The following ADAMTSL3 variants were observed in gnomAD, a reference collection of about 807,000 sequenced individuals.
ADAMTSL3 encodes the protein ADAMTS like 3.
In ADAMTSL3, 128 loss-of-function variants were observed where a neutral mutation model predicts 201.7. That is an observed-to-expected ratio of 0.63 (90% CI 0.55 to 0.73). ADAMTSL3 has a LOEUF of 0.73. Ranked by LOEUF, ADAMTSL3 falls within the 30% of genes least tolerant of loss-of-function variation. The pLI, the probability that ADAMTSL3 is intolerant of heterozygous loss-of-function variation, is 0.00. For missense variants in ADAMTSL3, 1,990 were observed against 2,119.6 expected (o/e 0.94, Z 1.20); for synonymous variants, 738 against 748.4 (o/e 0.99, Z 0.23).
chr15:84,033,689 A>G (rs371152301), intron 28 of ADAMTSL3, among the ~76,000 whole-genome samples: 1 of 151,950 alleles, frequency 6.6e-6, no homozygotes, highest in East Asian at 1.9e-4. Context: ...AAACAAAAAA[A>G]CGTGCTCAAG....
At chr15:83,809,823 C>T (rs2063663563) in intron 5 of ADAMTSL3, among the ~76,000 whole-genome samples, 2 of 152,120 alleles carry the variant, frequency 1.3e-5, no homozygotes, top group Non-Finnish European at 2.9e-5. Flanking sequence ...TTGGCTGTAA[C>T]TAATTTATTT....
intron 3 of ADAMTSL3, among the ~76,000 whole-genome samples, chr15:83,741,862 T>C (rs1244562326): frequency 2.0e-5 from 3 of 152,022 alleles, no homozygotes; most frequent in African/African-American, 7.2e-5. Context: ...GCTAGACTAC[T>C]TGGGAGGCTG....
At chr15:83,704,049 A>T (rs1254387801) in intron 2 of ADAMTSL3, among the ~76,000 whole-genome samples, 1 of 151,962 alleles carries the variant, frequency 6.6e-6, no homozygotes, top group African/African-American at 2.4e-5. Flanking sequence ...AAAATCCTAA[A>T]AACAATAGAT....
chr15:83,935,851 T>C (rs2066451221), intron 17 of ADAMTSL3, among the ~76,000 whole-genome samples: 1 of 152,098 alleles, frequency 6.6e-6, no homozygotes, highest in South Asian at 2.1e-4. Flanking sequence ...AGTAAGGTTA[T>C]ATGACAATTA....
chr15:83,667,947 A>T (rs1170458579), intron 2 of ADAMTSL3, among the ~76,000 whole-genome samples: 3 of 152,144 alleles, frequency 2.0e-5, no homozygotes, highest in Non-Finnish European at 1.5e-5. Flanking sequence ...GCTGAAAATG[A>T]AGAGAAGATA....
chr15:83,704,033 GA>G (rs2061813275), intron 2 of ADAMTSL3, among the ~76,000 whole-genome samples: 1 of 143,934 alleles, frequency 6.9e-6, no homozygotes, highest in Admixed American at 7.0e-5. Flanking sequence ...AAAGGAAGAA[GA>G]AAAGAAAATC....
At chr15:83,714,876 CCCTTCCTTCCTTCCTTCCTT>C (rs1191969866) in intron 3 of ADAMTSL3, among the ~76,000 whole-genome samples, 185 of 22,086 alleles carry the variant, frequency 8.4e-3, no homozygotes, top group African/African-American at 0.062. Context: ...CTCCCTCCCT[CCCTTCCTTCCTTCCTTCCTT>C]CCTTCCTTCC....
At chr15:83,811,611 G>A (rs185605845) in intron 5 of ADAMTSL3, among the ~76,000 whole-genome samples, 100 of 152,316 alleles carry the variant, frequency 6.6e-4, no homozygotes, top group African/African-American at 2.1e-3. Flanking sequence ...CTGGGCCTTG[G>A]GGGTTACCTG....
intron 15 of ADAMTSL3, among the ~76,000 whole-genome samples, chr15:83,900,107 A>G (rs890344256): frequency 1.3e-5 from 2 of 152,256 alleles, no homozygotes; most frequent in Non-Finnish European, 2.9e-5. Flanking sequence ...TATAAAATCA[A>G]TTAAGTTGAA....
chr15:83,813,566 C>T (rs987666660), intron 5 of ADAMTSL3, among the ~76,000 whole-genome samples: 5 of 152,088 alleles, frequency 3.3e-5, no homozygotes, highest in Admixed American at 2.0e-4. Context: ...ATGGCAGGAG[C>T]GGAAGACATA....
At chr15:84,002,936 C>CTTTTTTTTTTTT (rs368176543) in intron 23 of ADAMTSL3, among the ~76,000 whole-genome samples, 119 of 99,946 alleles carry the variant, frequency 1.2e-3, no homozygotes, top group African/African-American at 1.8e-3. Flanking sequence ...CTTTTCTTTT[C>CTTTTTTTTTTTT]TTTTTTTTTT....
At chr15:83,701,163 G>A (rs548253478) in intron 2 of ADAMTSL3, among the ~76,000 whole-genome samples, 20 of 152,262 alleles carry the variant, frequency 1.3e-4, no homozygotes, top group African/African-American at 4.3e-4. Context: ...CCCAAGCAGG[G>A]GGAGTGAGGT....
At chr15:84,012,682 A>G (rs1037437888) in intron 23 of ADAMTSL3, among the ~76,000 whole-genome samples, 2 of 152,206 alleles carry the variant, frequency 1.3e-5, no homozygotes, top group Admixed American at 1.3e-4. Flanking sequence ...CCTTCACACC[A>G]GTGCCTAGAT....
At chr15:83,790,723 T>C (rs2063331407) in intron 4 of ADAMTSL3, among the ~76,000 whole-genome samples, 1 of 152,202 alleles carries the variant, frequency 6.6e-6, no homozygotes, top group African/African-American at 2.4e-5. Context: ...CTGTCTTTAT[T>C]TGCAGATGAC....
At chr15:83,895,822 A>G (rs1043251534) in intron 13 of ADAMTSL3, among the ~76,000 whole-genome samples, 6 of 152,158 alleles carry the variant, frequency 3.9e-5, no homozygotes, top group African/African-American at 1.2e-4. Flanking sequence ...AGGTGAGTCA[A>G]TTTTCCAAAA....
At chr15:83,786,225 C>T (rs1010745265) in intron 4 of ADAMTSL3, among the ~76,000 whole-genome samples, 13 of 152,174 alleles carry the variant, frequency 8.5e-5, no homozygotes, top group Non-Finnish European at 1.5e-4. Flanking sequence ...GATCCACAGT[C>T]CTCAGACTTC....
chr15:84,017,164 C>T (rs1184604881), intron 25 of ADAMTSL3, among the ~76,000 whole-genome samples: 1 of 152,210 alleles, frequency 6.6e-6, no homozygotes, highest in Non-Finnish European at 1.5e-5. Context: ...GCCTCCCAGG[C>T]TGGAGTGCAG....
chr15:83,712,637 A>G (rs1033348215), intron 3 of ADAMTSL3, among the ~76,000 whole-genome samples: 3 of 152,152 alleles, frequency 2.0e-5, no homozygotes, highest in African/African-American at 7.2e-5. Context: ...TCAAGAATTA[A>G]CACTTGGAGC....
chr15:83,977,566 G>T (rs748744121), intron 20 of ADAMTSL3, among the ~76,000 whole-genome samples: 1 of 152,082 alleles, frequency 6.6e-6, no homozygotes, highest in African/African-American at 2.4e-5. Context: ...CTGGGTACTG[G>T]CAATGGTGGT....
Sources: allele counts gnomAD v4.1 joint callset (sites outside exome capture counted in the v4.1 genomes callset), GRCh38; gene constraint gnomAD v4.1.1; transcripts MANE v1.5; gene names NCBI Gene and HGNC (gene_info 2026-07-23, HGNC 2026-07-21).